Variants in LRBA observed in about 807,000 individuals in gnomAD.
LRBA encodes lipopolysaccharide-responsive and beige-like anchor protein.
In LRBA, 176 loss-of-function variants were observed where a neutral mutation model predicts 330.0. The observed-to-expected ratio is 0.53, with a 90% CI of 0.47 to 0.60. The LOEUF (loss-of-function observed/expected upper bound fraction) is 0.60. Among genes scored for constraint, LRBA ranks in the 20% least tolerant of loss-of-function variants. The pLI is 0.00. For missense variants in LRBA, 3,259 were observed against 3,444.8 expected (o/e 0.95, Z 1.35); for synonymous variants, 1,230 against 1,193.0 (o/e 1.03, Z -0.64).
At chr4:150,933,105 C>T (rs1734690065) in intron 2 of LRBA, among the ~76,000 whole-genome samples, 1 of 151,842 alleles carries the variant, frequency 6.6e-6, no homozygotes, top group East Asian at 1.9e-4. Context: ...AGGTTAATGA[C>T]AGCCTGGCAT....
intron 37 of LRBA, among the ~76,000 whole-genome samples, chr4:150,644,859 A>G (rs1386345096): frequency 5.9e-5 from 9 of 151,874 alleles, no homozygotes; most frequent in African/African-American, 2.2e-4. Context: ...AAATTGAACA[A>G]CTTACAAAGT....
intron 2 of LRBA, among the ~76,000 whole-genome samples, chr4:150,931,377 A>T (rs1414414667): frequency 6.6e-6 from 1 of 150,984 alleles, no homozygotes; most frequent in Non-Finnish European, 1.5e-5. Flanking sequence ...TATTGTTATT[A>T]TAAGTTTTAT....
At chr4:150,786,304 C>A (rs1358250134) in intron 34 of LRBA, among the ~76,000 whole-genome samples, 1 of 147,470 alleles carries the variant, frequency 6.8e-6, no homozygotes, top group Non-Finnish European at 1.5e-5. Flanking sequence ...GTGCCAATGG[C>A]ATGATCTCAG....
In LRBA at chr4:150,343,045, C is replaced by A. The variant is rs372927374; in HGVS notation, c.7362+6947G>T. Among the ~76,000 whole-genome samples, 14 of 150,068 alleles carry A rather than the reference C, an allele frequency of 9.3e-5. 1 individual carries two copies. Among genetic ancestry groups the A allele is most frequent in the African/African-American group, 3.4e-4 (14 of 40,666 alleles). ...GATTCTGAAGAAAAGAGAGGCGTGG[C>A]CTGGAGGTGGGGGTGGGGAGTAAAT... On this transcript the variant is annotated intron_variant, in intron 48 of 56. Coordinates refer to ENST00000651943, the MANE Select transcript of LRBA (RefSeq NM_001364905.1).
chr4:150,972,672 GA>G (rs1347061508), intron 2 of LRBA, among the ~76,000 whole-genome samples: 1 of 152,152 alleles, frequency 6.6e-6, no homozygotes, highest in Non-Finnish European at 1.5e-5. Flanking sequence ...CCCATTCAAA[GA>G]AAAACATGTA....
At chr4:150,413,541 C>T (rs1021535735) in intron 47 of LRBA, among the ~76,000 whole-genome samples, 1 of 152,088 alleles carries the variant, frequency 6.6e-6, no homozygotes, top group South Asian at 2.1e-4. Context: ...AAAAAGACTA[C>T]ATATTGTATG....
intron 53 of LRBA, among the ~76,000 whole-genome samples, chr4:150,300,992 A>G (rs1215801423): frequency 6.6e-6 from 1 of 152,038 alleles, no homozygotes; most frequent in Non-Finnish European, 1.5e-5. Context: ...TGTGCATGAA[A>G]TACCTTACAT....
intron 56 of LRBA, among the ~76,000 whole-genome samples, chr4:150,273,637 A>G (rs1560945824): frequency 6.6e-6 from 1 of 151,942 alleles, no homozygotes; most frequent in Non-Finnish European, 1.5e-5. Context: ...GCAAATGGAA[A>G]GAAAAAAAAA....
chr4:150,451,289 T>C (rs989005758), intron 44 of LRBA, among the ~76,000 whole-genome samples: 4 of 152,202 alleles, frequency 2.6e-5, no homozygotes, highest in Admixed American at 6.5e-5. Flanking sequence ...TTAATCAAGG[T>C]AGACTATATT....
At chr4:150,518,167 G>A (rs538046803) in intron 40 of LRBA, among the ~76,000 whole-genome samples, 1 of 152,212 alleles carries the variant, frequency 6.6e-6, no homozygotes, top group African/African-American at 2.4e-5. Flanking sequence ...TGAACTTTGG[G>A]ACGATTAGTA....
chr4:150,409,210 A>C (rs967483997), intron 47 of LRBA, among the ~76,000 whole-genome samples: 2 of 152,084 alleles, frequency 1.3e-5, no homozygotes, highest in African/African-American at 4.8e-5. Context: ...GCCACATATA[A>C]GCCAATCAGA....
chr4:150,921,221 TA>T lies in LRBA; in HGVS notation c.621del (p.Phe207LeufsTer16). The T allele has an allele frequency of 1.2e-6, 2 of 1,611,932 alleles. No homozygotes were observed. Among genetic ancestry groups the T allele is most frequent in the Non-Finnish European group, 1.7e-6 (2 of 1,178,144 alleles). ...MPQKYGPDAFFNFPGKSAAAI... is the reference protein window; with the variant it reads ...MPQKYGPDAFXNFPGKSAAAI... Reference sequence around the variant, plus strand: ...ACTGCAGCACTCTTTCCTGGAAAGTTAAAAAAGGCATCAGGACCATACTTCT... The same window carrying T: ...ACTGCAGCACTCTTTCCTGGAAAGTTAAAAAGGCATCAGGACCATACTTCT... On this transcript the variant is annotated frameshift_variant, in exon 5 of 57. Coordinates refer to ENST00000651943, the MANE Select transcript of LRBA (RefSeq NM_001364905.1). LOFTEE classifies it high-confidence loss of function.
chr4:150,837,415 A>ATTG (rs1428540894), intron 28 of LRBA, among the ~76,000 whole-genome samples: 1 of 151,958 alleles, frequency 6.6e-6, no homozygotes, highest in Non-Finnish European at 1.5e-5. Context: ...TCCCATTATT[A>ATTG]TTGTGTGGGA....
At chr4:150,780,583 A>G (rs183087123) in intron 34 of LRBA, among the ~76,000 whole-genome samples, 2 of 151,012 alleles carry the variant, frequency 1.3e-5, no homozygotes, top group East Asian at 1.9e-4. Context: ...AATGTTCTCA[A>G]TGAGACAATA....
intron 40 of LRBA, chr4:150,582,785 GA>G (rs928750958): frequency 1.8e-5 from 8 of 454,322 alleles, no homozygotes; most frequent in Non-Finnish European, 3.1e-5. Context: ...TTTCTTTTTA[GA>G]AAATCACCTT....
At chr4:150,360,597 A>C (rs1024198049) in intron 47 of LRBA, among the ~76,000 whole-genome samples, 3 of 152,192 alleles carry the variant, frequency 2.0e-5, no homozygotes, top group African/African-American at 4.8e-5. Flanking sequence ...TACAAGACAG[A>C]ATGCAGGAGT....
chr4:150,727,460 C>T (rs535822041), intron 36 of LRBA, among the ~76,000 whole-genome samples: 96 of 152,152 alleles, frequency 6.3e-4, no homozygotes, highest in Admixed American at 5.9e-3. Context: ...ACAGACCATA[C>T]GTTAGGTCAC....
At chr4:150,632,113 C>T (rs1777439924) in intron 37 of LRBA, among the ~76,000 whole-genome samples, 1 of 152,038 alleles carries the variant, frequency 6.6e-6, no homozygotes, top group Non-Finnish European at 1.5e-5. Flanking sequence ...CACCTGTAAT[C>T]CCAGCTACTT....
At position 150,929,101 on chromosome 4, in the gene LRBA, T is replaced by C. The variant is rs374303287; in HGVS notation, c.217-36A>G. The stretch of plus-strand genomic sequence containing the variant: ...AAAAAAAAAAACACATTAAAAGCAT[T>C]AGTATCCTCAATATCACTATAGCAT... On this transcript the variant is annotated intron_variant, in intron 2 of 56. Coordinates refer to ENST00000651943, the MANE Select transcript of LRBA (RefSeq NM_001364905.1). The C allele has an allele frequency of 1.7e-5, 23 of 1,333,588 alleles. No homozygotes were observed. The African/African-American group carries it at 3.3e-4, about 19-fold the overall frequency. The allele number at this position is 1,333,588 out of a possible 1,614,324, so 82.6% of individuals were successfully genotyped here.
Sources: allele counts gnomAD v4.1 joint callset (sites outside exome capture counted in the v4.1 genomes callset), GRCh38; gene constraint gnomAD v4.1.1; transcripts MANE v1.5; gene names NCBI Gene and HGNC (gene_info 2026-07-23, HGNC 2026-07-21).